The following CHD9 variants were observed in gnomAD, a reference collection of about 807,000 sequenced individuals.
CHD9 encodes the protein chromodomain helicase DNA binding protein 9, also known as ATP-dependent chromatin remodeler CHD9.
In CHD9, 77 loss-of-function variants were observed where a neutral mutation model predicts 316.1. That is an observed-to-expected ratio of 0.24 (90% CI 0.20 to 0.29). CHD9 has a LOEUF of 0.29. Ranked by LOEUF, CHD9 falls within the 10% of genes least tolerant of loss-of-function variation. The pLI is 1.00. For synonymous variants in CHD9, 1,129 were observed against 1,158.3 expected (o/e 0.97, Z 0.51); for missense variants, 2,763 against 3,438.1 (o/e 0.80, Z 4.91).
chr16:53,274,891 A>C (rs2052652845), intron 24 of CHD9, among the ~76,000 whole-genome samples: 1 of 152,170 alleles, frequency 6.6e-6, no homozygotes, highest in African/African-American at 2.4e-5. Flanking sequence ...ACCCTTGCCA[A>C]TTTGTTACTT....
chr16:53,104,402 A>T (rs1391431174), intron 1 of CHD9, among the ~76,000 whole-genome samples: 1 of 152,214 alleles, frequency 6.6e-6, no homozygotes, highest in Middle Eastern at 3.2e-3. Context: ...TCCTTCCTTG[A>T]CAGCCCCTAG....
rs757761506 is a variant in CHD9, at chr16:53,235,265, A to G, written c.2592A>G (p.Gln864=). The G allele has an allele frequency of 1.4e-5, 22 of 1,548,404 alleles. No individual in the cohort carries two copies. The highest frequency in any genetic ancestry group is 2.7e-5 in the African/African-American group (2 of 72,976). The stretch of plus-strand genomic sequence containing the variant: ...ATGGCAATCAACTCAGGGAATATCA[A>G]CTGGAAGGACTCAACTGGCTCTTGT... ...YKNGNQLREY[Q]LEGLNWLLFN... The change falls in exon 11 of 39, where the codon CAA becomes CAG. Residue 864 remains glutamine (Q), a synonymous_variant. Transcript: ENST00000447540.
chr16:53,122,737 C>T (rs541269754), intron 1 of CHD9, among the ~76,000 whole-genome samples: 61 of 151,924 alleles, frequency 4.0e-4, no homozygotes, highest in East Asian at 3.9e-3. Context: ...GACGGAGTCT[C>T]GCTCTGTCGC....
rs1351545696 is a variant in CHD9, at chr16:53,274,446, A to G, written c.4967+144A>G. 7 of 442,976 alleles carry G rather than the reference A, an allele frequency of 1.6e-5. 1 individual carries two copies. Among genetic ancestry groups the G allele is most frequent in the South Asian group, 1.4e-4 (3 of 20,906 alleles). 27.4% of individuals were successfully genotyped at this position (442,976 alleles called of 1,614,324 possible). A position where few individuals can be genotyped will look rare whatever the true frequency, so the allele number is the denominator to read the frequency against. On this transcript the variant is annotated intron_variant, in intron 24 of 38. Coordinates refer to ENST00000447540, the MANE Select transcript of CHD9 (RefSeq NM_001308319.2). ...CACCACCACACCTGGCTTAAATGAT[A>G]TATTTATTTTATTTATTCATTTTTT...
intron 1 of CHD9, 121 bp from the exon 2 acceptor site, chr16:53,155,805 T>C (rs2041482615): frequency 2.9e-6 from 1 of 343,976 alleles, no homozygotes; most frequent in Admixed American, 4.6e-5. Flanking sequence ...TCGAGTCATA[T>C]AATATGTGGT....
intron 2 of CHD9, among the ~76,000 whole-genome samples, chr16:53,177,922 C>CAT (rs1376070723): frequency 2.0e-5 from 3 of 152,172 alleles, no homozygotes; most frequent in Non-Finnish European, 4.4e-5. Flanking sequence ...CCCAAGAGGC[C>CAT]TCATGAATAC....
At chr16:53,286,201 C>A (rs774496178) in intron 25 of CHD9, 25 bp from the exon 26 acceptor site, 1 of 1,350,716 alleles carries the variant, frequency 7.4e-7, no homozygotes, top group South Asian at 1.2e-5. Context: ...ATCTTTTTTA[C>A]TTTTGTAATT....
At chr16:53,139,442 G>T (rs572858025) in intron 1 of CHD9, among the ~76,000 whole-genome samples, 9 of 152,062 alleles carry the variant, frequency 5.9e-5, no homozygotes, top group Non-Finnish European at 4.4e-5. Flanking sequence ...TTGAACCAAG[G>T]ACTGGCAATA....
intron 1 of CHD9, among the ~76,000 whole-genome samples, chr16:53,114,631 A>C (rs969637769): frequency 3.9e-5 from 6 of 151,964 alleles, no homozygotes; most frequent in Admixed American, 2.0e-4. Context: ...TCTGTCACCC[A>C]GGCTGGAGTG....
chr16:53,171,285 G>A (rs969316036), intron 2 of CHD9, among the ~76,000 whole-genome samples: 2 of 152,096 alleles, frequency 1.3e-5, no homozygotes, highest in African/African-American at 4.8e-5. Flanking sequence ...CAGGCATGGT[G>A]GCGGGCGCCT....
intron 2 of CHD9, among the ~76,000 whole-genome samples, chr16:53,184,234 A>AT (rs1484752403): frequency 5.0e-5 from 7 of 138,944 alleles, no homozygotes; most frequent in African/African-American, 2.0e-4. Context: ...TCTGTACAGT[A>AT]TTCTATTTAA....
At chr16:53,060,229 G>A (rs1359257683) in intron 1 of CHD9, among the ~76,000 whole-genome samples, 1 of 151,020 alleles carries the variant, frequency 6.6e-6, no homozygotes, top group Admixed American at 6.6e-5. Context: ...TAGCTCACAG[G>A]CTATACAAAA....
intron 22 of CHD9, among the ~76,000 whole-genome samples, chr16:53,268,985 A>C (rs79874123): frequency 2.0e-5 from 3 of 151,822 alleles, no homozygotes; most frequent in African/African-American, 7.3e-5. Flanking sequence ...ATTTTTTTAT[A>C]TTGCAGAGTC....
intron 3 of CHD9, among the ~76,000 whole-genome samples, chr16:53,221,672 T>A (rs963112542): frequency 3.9e-5 from 6 of 152,154 alleles, no homozygotes; most frequent in African/African-American, 1.2e-4. Context: ...TAAACATACA[T>A]ATATGACGAT....
intron 10 of CHD9, among the ~76,000 whole-genome samples, chr16:53,234,664 A>T (rs1435767868): frequency 6.6e-6 from 1 of 150,840 alleles, no homozygotes; most frequent in Non-Finnish European, 1.5e-5. Flanking sequence ...CTGGTCTTGA[A>T]CTCCTAATCT....
intron 17 of CHD9, among the ~76,000 whole-genome samples, chr16:53,252,017 C>T (rs1462904277): frequency 6.6e-6 from 1 of 152,086 alleles, no homozygotes; most frequent in Non-Finnish European, 1.5e-5. Context: ...CATCAAAATA[C>T]CACCATCATT....
intron 2 of CHD9, among the ~76,000 whole-genome samples, chr16:53,172,201 C>G (rs2042808964): frequency 6.6e-6 from 1 of 152,144 alleles, no homozygotes; most frequent in Admixed American, 6.5e-5. Flanking sequence ...TCCATCTCCT[C>G]CTTCGCGCAC....
chr16:53,169,614 A>G (rs558867236), intron 2 of CHD9, among the ~76,000 whole-genome samples: 3 of 152,198 alleles, frequency 2.0e-5, no homozygotes, highest in African/African-American at 7.2e-5. Context: ...TTCTCTTACT[A>G]TTTTTATTTC....
intron 1 of CHD9, chr16:53,121,807 G>A (rs2038752515): frequency 6.5e-6 from 1 of 153,464 alleles, no homozygotes. Context: ...CTTCAGTCCT[G>A]TTCTAAAAAG....
Sources: allele counts gnomAD v4.1 joint callset (sites outside exome capture counted in the v4.1 genomes callset), GRCh38; gene constraint gnomAD v4.1.1; transcripts MANE v1.5; gene names NCBI Gene and HGNC (gene_info 2026-07-23, HGNC 2026-07-21).